Variants in AGMO observed in about 807,000 individuals in gnomAD.
AGMO encodes the protein alkylglycerol monooxygenase.
In AGMO, 75 loss-of-function variants were observed where a neutral mutation model predicts 60.2. That is an observed-to-expected ratio of 1.25 (90% confidence interval 1.03 to 1.51). AGMO has a LOEUF of 1.51. Among genes scored for constraint, AGMO ranks in the 40% most tolerant of loss-of-function variants. AGMO has a pLI of 0.00. For synonymous variants in AGMO, 261 were observed against 177.1 expected, an observed-to-expected ratio of 1.47 and a Z score of -3.76; for missense variants, 763 against 525.5, an observed-to-expected ratio of 1.45 and a Z score of -4.42.
chr7:15,281,060 C>T (rs541211313), intron 12 of AGMO, among the ~76,000 whole-genome samples: 1 of 152,222 alleles, frequency 6.6e-6, no homozygotes, highest in East Asian at 1.9e-4. Flanking sequence ...TCAGGGCCTC[C>T]TACTCCTAGG....
chr7:15,189,751 A>G, the AGMO span, among the ~76,000 whole-genome samples: 6 of 151,738 alleles, frequency 4.0e-5, no homozygotes, highest in African/African-American at 1.5e-4. Context: ...CATGTCTTCG[A>G]GCGCTGAGAT....
chr7:15,258,285 T>A (rs577817470), intron 12 of AGMO, among the ~76,000 whole-genome samples: 1 of 152,278 alleles, frequency 6.6e-6, no homozygotes, highest in African/African-American at 2.4e-5. Flanking sequence ...TTTTTAATTA[T>A]AGGCTTGGTA....
chr7:15,350,071 A>C (rs1782184025), intron 12 of AGMO, among the ~76,000 whole-genome samples: 1 of 152,170 alleles, frequency 6.6e-6, no homozygotes. Flanking sequence ...ACAAATCATG[A>C]AACTGAGAAT....
intron 3 of AGMO, among the ~76,000 whole-genome samples, chr7:15,531,045 TATTC>T (rs1784309941): frequency 8.9e-6 from 1 of 112,362 alleles, no homozygotes. Context: ...ATTCTATATA[TATTC>T]TATATATATT....
At chr7:15,484,575 A>G (rs1782863107) in intron 3 of AGMO, among the ~76,000 whole-genome samples, 1 of 152,202 alleles carries the variant, frequency 6.6e-6, no homozygotes, top group Non-Finnish European at 1.5e-5. Flanking sequence ...AAAAATGTTT[A>G]CAGGAATTTA....
At chr7:15,318,664 T>C (rs1244398048) in intron 12 of AGMO, among the ~76,000 whole-genome samples, 2 of 152,302 alleles carry the variant, frequency 1.3e-5, no homozygotes, top group African/African-American at 4.8e-5. Flanking sequence ...ATCTGTAGGA[T>C]CCATTTATGA....
intron 12 of AGMO, among the ~76,000 whole-genome samples, chr7:15,220,869 T>C (rs1232949751): frequency 6.6e-6 from 1 of 152,108 alleles, no homozygotes; most frequent in Non-Finnish European, 1.5e-5. Context: ...CTGAAATTAA[T>C]CTAATTTTAA....
chr7:15,223,494 A>G (rs1781984020), intron 12 of AGMO, among the ~76,000 whole-genome samples: 1 of 152,022 alleles, frequency 6.6e-6, no homozygotes, highest in Non-Finnish European at 1.5e-5. Flanking sequence ...TAGATGCTAT[A>G]ACTTTTTAAA....
chr7:15,187,775 A>G, the AGMO span, among the ~76,000 whole-genome samples: 5 of 152,030 alleles, frequency 3.3e-5, no homozygotes, highest in Admixed American at 3.3e-4. Flanking sequence ...AGAGGGGAGG[A>G]GAAGAGTCAA....
chr7:15,275,093 G>T (rs1783741217), intron 12 of AGMO, among the ~76,000 whole-genome samples: 1 of 151,962 alleles, frequency 6.6e-6, no homozygotes, highest in East Asian at 1.9e-4. Flanking sequence ...CTAGCTGTGG[G>T]TTTGGTATGT....
At chr7:15,464,994 T>C (rs1288573166) in intron 3 of AGMO, among the ~76,000 whole-genome samples, 1 of 152,170 alleles carries the variant, frequency 6.6e-6, no homozygotes, top group African/African-American at 2.4e-5. Flanking sequence ...CGACACTTGC[T>C]AAGTCCATGT....
At chr7:15,369,745 A>C (rs1023167033) in intron 10 of AGMO, among the ~76,000 whole-genome samples, 16 of 152,122 alleles carry the variant, frequency 1.1e-4, no homozygotes, top group Admixed American at 3.9e-4. Context: ...GAAAGTTTTT[A>C]TCTCTTCATT....
At chr7:15,449,028 G>C (rs1205551379) in intron 3 of AGMO, among the ~76,000 whole-genome samples, 3 of 152,108 alleles carry the variant, frequency 2.0e-5, no homozygotes, top group African/African-American at 7.2e-5. Context: ...ATTCTTTCCG[G>C]AGTTATGATA....
chr7:15,211,334 G>C (rs181934982), intron 12 of AGMO, among the ~76,000 whole-genome samples: 1 of 151,930 alleles, frequency 6.6e-6, no homozygotes, highest in Non-Finnish European at 1.5e-5. Flanking sequence ...GACATAAATT[G>C]TAAGTAGATT....
intron 3 of AGMO, among the ~76,000 whole-genome samples, chr7:15,500,446 T>A (rs1292400144): frequency 6.6e-6 from 1 of 151,898 alleles, no homozygotes; most frequent in African/African-American, 2.4e-5. Flanking sequence ...AGGAAAACCC[T>A]ACAGTATTTA....
the AGMO span, among the ~76,000 whole-genome samples, chr7:15,123,302 C>T: frequency 1.3e-5 from 2 of 152,000 alleles, no homozygotes; most frequent in Non-Finnish European, 2.9e-5. Flanking sequence ...TTCCAACATC[C>T]TAAGATAGTA....
At chr7:15,144,461 A>G in the AGMO span, among the ~76,000 whole-genome samples, 8 of 152,242 alleles carry the variant, frequency 5.3e-5, no homozygotes, top group African/African-American at 1.9e-4. Flanking sequence ...CCAGAAAAGT[A>G]TAAGAAATGC....
chr7:15,352,693 T>C (rs1563103691), intron 12 of AGMO, among the ~76,000 whole-genome samples: 1 of 151,830 alleles, frequency 6.6e-6, no homozygotes, highest in African/African-American at 2.4e-5. Context: ...GTCCCTGTCA[T>C]GTACTAGTGG....
chr7:15,344,871 A>T (rs183252866), intron 12 of AGMO, among the ~76,000 whole-genome samples: 153 of 152,236 alleles, frequency 1.0e-3, no homozygotes, highest in Admixed American at 1.9e-3. Context: ...TGAATGCGTT[A>T]CCTTACTCTA....
Sources: allele counts gnomAD v4.1 joint callset (sites outside exome capture counted in the v4.1 genomes callset), GRCh38; gene constraint gnomAD v4.1.1; transcripts MANE v1.5; gene names NCBI Gene and HGNC (gene_info 2026-07-23, HGNC 2026-07-21).